SLC22A23: variants seen among roughly 807,000 people sequenced by gnomAD.
SLC22A23 encodes the protein ion transporter protein.
Under a neutral mutation model 61.0 loss-of-function variants are expected in SLC22A23, and 26 were observed. The ratio of observed to expected loss-of-function variants is 0.43; its 90% CI spans 0.31 to 0.59. The LOEUF is 0.59. Ranked by LOEUF, SLC22A23 falls within the 20% of genes least tolerant of loss-of-function variation. The probability of loss-of-function intolerance (pLI) is 0.11; values close to 1 mark genes in which losing one functional copy is unlikely to be tolerated. For missense variants in SLC22A23, 796 were observed against 934.7 expected (o/e 0.85, Z 1.94); for synonymous variants, 430 against 413.9 (o/e 1.04, Z -0.47).
intron 4 of SLC22A23, among the ~76,000 whole-genome samples, chr6:3,320,971 G>A (rs1762913506): frequency 6.6e-6 from 1 of 152,136 alleles, no homozygotes; most frequent in African/African-American, 2.4e-5. Context: ...GACAGGCACT[G>A]TTCTAAATGT....
intron 3 of SLC22A23, among the ~76,000 whole-genome samples, chr6:3,391,400 T>C (rs1767651623): frequency 6.6e-6 from 1 of 152,240 alleles, no homozygotes; most frequent in Non-Finnish European, 1.5e-5. Context: ...ACACTTGTGA[T>C]ATATCTCTAA....
chr6:3,363,445 G>T (rs1044873542), intron 3 of SLC22A23, among the ~76,000 whole-genome samples: 1 of 152,244 alleles, frequency 6.6e-6, no homozygotes, highest in Non-Finnish European at 1.5e-5. Context: ...CTGAGGAGAG[G>T]CTGTGAGGGA....
chr6:3,383,529 G>C (rs952455094), intron 3 of SLC22A23, among the ~76,000 whole-genome samples: 1 of 152,214 alleles, frequency 6.6e-6, no homozygotes, highest in Admixed American at 6.5e-5. Flanking sequence ...TGTGACGAGC[G>C]CTATGATTCT....
rs1455383513 is a variant in SLC22A23, at chr6:3,387,718, G to A, written c.913+22470C>T. Among the ~76,000 whole-genome samples the A allele has an allele frequency of 2.6e-5, 4 of 152,310 alleles. No individual in the cohort carries two copies. The East Asian group carries it at 7.7e-4, about 29-fold the overall frequency. On this transcript the variant is annotated intron_variant, in intron 3 of 9. Coordinates refer to ENST00000406686, the MANE Select transcript of SLC22A23 (RefSeq NM_015482.2). This position sits in a 1 kb window ranked among gnomAD's most constrained non-coding sequence, Gnocchi z 5.0. ...AGTCTAAAATTATTTTAACTGTACT[G>A]CTTTTGCCACTCCTCTACTTTAAAA...
At chr6:3,293,177 G>C (rs1760766208) in intron 5 of SLC22A23, among the ~76,000 whole-genome samples, 2 of 152,190 alleles carry the variant, frequency 1.3e-5, no homozygotes, top group Non-Finnish European at 2.9e-5. Flanking sequence ...TAGTGCGTTA[G>C]GGGTGAAATT....
At chr6:3,353,329 C>T (rs1396731970) in intron 3 of SLC22A23, among the ~76,000 whole-genome samples, 1 of 152,208 alleles carries the variant, frequency 6.6e-6, no homozygotes, top group African/African-American at 2.4e-5. Context: ...CCACAGCCAG[C>T]TCCCCAATGA....
chr6:3,454,961 C>A lies in SLC22A23; in HGVS notation c.654+945G>T, dbSNP rs908533842. Among the ~76,000 whole-genome samples the A allele has an allele frequency of 6.6e-6, 1 of 152,192 alleles. No homozygotes were observed. Among genetic ancestry groups the A allele is most frequent in the Non-Finnish European group, 1.5e-5 (1 of 68,028 alleles). ...GGTAGCGGGTGGGGTGGAGGAGAGT[C>A]TGTATTTACTTTAAAATGTGAATTA... On this transcript the variant is annotated intron_variant, in intron 1 of 9. Coordinates refer to ENST00000406686, the MANE Select transcript of SLC22A23 (RefSeq NM_015482.2). This position sits in a 1 kb window ranked among gnomAD's most constrained non-coding sequence, Gnocchi z 4.3.
chr6:3,456,560 G>A lies in SLC22A23; in HGVS notation c.-1C>T. 2.0e-6 allele frequency: 2 copies of A among 983,762 alleles called. No individual in the cohort carries two copies. The highest frequency in any genetic ancestry group is 2.4e-6 in the Non-Finnish European group (2 of 830,536). The allele number at this position is 983,762 out of a possible 1,614,324, so 60.9% of individuals were successfully genotyped here. On this transcript the variant is annotated 5_prime_UTR_variant, in exon 1 of 10. Coordinates refer to ENST00000406686, the MANE Select transcript of SLC22A23 (RefSeq NM_015482.2). The surrounding 1 kb of genome is among the most constrained non-coding windows in gnomAD (Gnocchi z 7.1). ...CCTCGCGCCGCCGGTCTATGGCCAT[G>A]GCCCGGGCCCGCGGCTCCCGCAGAG...
intron 4 of SLC22A23, chr6:3,323,362 T>C (rs1307297867): frequency 2.2e-6 from 1 of 456,828 alleles, no homozygotes; most frequent in Non-Finnish European, 4.4e-6. Context: ...TAAAACTTTA[T>C]TTACAAAAAC....
rs1430740295 is a variant in SLC22A23 at position 3,414,895 on chromosome 6, C to G, written c.758+857G>C. ...CTGCTGCCCCTGTGACCACAGAATG[C>G]CTTAAATAAAAGCGCTGCAGCATCC... is the stretch of plus-strand genomic sequence containing the variant. On this transcript the variant is annotated intron_variant, in intron 2 of 9. Transcript: ENST00000406686. The surrounding 1 kb of genome is among the most constrained non-coding windows in gnomAD (Gnocchi z 5.1). Among the ~76,000 whole-genome samples the G allele has an allele frequency of 6.6e-6, 1 of 152,122 alleles. No individual in the cohort carries two copies. The highest frequency in any genetic ancestry group is 1.5e-5 in the Non-Finnish European group (1 of 68,040).
At chr6:3,284,984 G>A (rs1023061541) in intron 8 of SLC22A23, 95 bp downstream of exon 8, 15 of 1,558,938 alleles carry the variant, frequency 9.6e-6, no homozygotes, top group Non-Finnish European at 1.2e-5. Flanking sequence ...GGGAGAAAGA[G>A]AAAATGGAAA....
intron 1 of SLC22A23, among the ~76,000 whole-genome samples, chr6:3,440,266 C>T (rs540010804): frequency 6.6e-6 from 1 of 152,262 alleles, no homozygotes; most frequent in African/African-American, 2.4e-5. Context: ...GCTGTACTGT[C>T]CCCTCAAAGC....
At chr6:3,283,751 G>C in intron 9 of SLC22A23, 101 bp downstream of exon 9, 1 of 1,567,878 alleles carries the variant, frequency 6.4e-7, no homozygotes, top group Non-Finnish European at 8.7e-7. Flanking sequence ...CAGAGCCAGA[G>C]ACAGAGCTGA....
At chr6:3,351,997 C>T (rs537542540) in intron 3 of SLC22A23, among the ~76,000 whole-genome samples, 5 of 152,230 alleles carry the variant, frequency 3.3e-5, no homozygotes, top group African/African-American at 1.2e-4. Flanking sequence ...TGTCCACCAC[C>T]CGACTGGTAA....
At chr6:3,325,576 C>T (rs550648489) in intron 3 of SLC22A23, among the ~76,000 whole-genome samples, 1 of 152,346 alleles carries the variant, frequency 6.6e-6, no homozygotes, top group South Asian at 2.1e-4. Flanking sequence ...CCATTTGCTG[C>T]AATGCTGTTC....
intron 1 of SLC22A23, chr6:3,445,080 G>T: frequency 1.6e-6 from 1 of 631,876 alleles, no homozygotes; most frequent in Non-Finnish European, 2.0e-6. Flanking sequence ...GGCCCTCAAG[G>T]TCAGGCAGCA....
intron 1 of SLC22A23, chr6:3,444,915 C>T: frequency 1.0e-6 from 1 of 985,564 alleles, no homozygotes; most frequent in Non-Finnish European, 1.2e-6. Context: ...TTCAGCTCCT[C>T]CCCCCTCAAA....
rs1269419552 is a variant in SLC22A23 at position 3,297,032 on chromosome 6, C to T, written c.1210+1059G>A. Among the ~76,000 whole-genome samples, 1 of 152,254 alleles carries T rather than the reference C, an allele frequency of 6.6e-6. No individual in the cohort carries two copies. The highest frequency in any genetic ancestry group is 2.4e-5 in the African/African-American group (1 of 41,468). ...CGCAGCCACTCTGACTGTAGTCCCTCCCTGCCACCCTCTATCCCACAGCCC... is the reference window on the plus strand; with the variant it reads ...CGCAGCCACTCTGACTGTAGTCCCTTCCTGCCACCCTCTATCCCACAGCCC... On this transcript the variant is annotated intron_variant, in intron 5 of 9. Coordinates refer to ENST00000406686, the MANE Select transcript of SLC22A23 (RefSeq NM_015482.2). The surrounding 1 kb of genome is among the most constrained non-coding windows in gnomAD (Gnocchi z 4.3).
In SLC22A23 at chr6:3,289,212, G is replaced by T. The variant is rs531659421; in HGVS notation, c.1313+552C>A. ...AGGGACTGGGCTGCAAAGAACCTGC[G>T]TGAGTGATGCCCCCAGCCCCTGCAG... is the stretch of plus-strand genomic sequence containing the variant. On this transcript the variant is annotated intron_variant, in intron 6 of 9. Coordinates refer to ENST00000406686, the MANE Select transcript of SLC22A23 (RefSeq NM_015482.2). Among the ~76,000 whole-genome samples, 4 of 152,340 alleles carry T rather than the reference G, an allele frequency of 2.6e-5. No homozygotes were observed. The East Asian group carries it at 7.7e-4, about 29-fold the overall frequency.
Sources: gnomAD v4.1 joint callset for allele counts (sites outside exome capture counted in the v4.1 genomes callset) on GRCh38, gnomAD v4.1.1 for gene constraint, Gnocchi (gnomAD v3.1) non-coding constraint, MANE v1.5 for transcripts, NCBI Gene and HGNC (gene_info 2026-07-23, HGNC 2026-07-21) for gene names.